TESK2: variants seen among roughly 807,000 people sequenced by gnomAD.
The protein encoded by TESK2 is testis associated actin remodelling kinase 2.
A neutral mutation model predicts 57.1 loss-of-function variants in TESK2; 39 were observed. The observed-to-expected ratio is 0.68, with a 90% confidence interval of 0.53 to 0.89. The LOEUF is 0.89. Ranked by LOEUF, TESK2 falls within the 40% of genes least tolerant of loss-of-function variation. The pLI, the probability that TESK2 is intolerant of heterozygous loss-of-function variation, is 0.00. For missense variants in TESK2, 646 were observed against 732.1 expected, an observed-to-expected ratio of 0.88 and a Z score of 1.36; for synonymous variants, 249 against 267.9, an observed-to-expected ratio of 0.93 and a Z score of 0.69.
intron 3 of TESK2, among the ~76,000 whole-genome samples, chr1:45,415,965 C>T (rs1650222213): frequency 6.6e-6 from 1 of 151,030 alleles, no homozygotes; most frequent in Non-Finnish European, 1.5e-5. Context: ...TTTGTTTTAG[C>T]TCATCAGCTA....
rs907984636 is a variant in TESK2, at chr1:45,458,745, G to A, written c.-86-874C>T. Among the ~76,000 whole-genome samples the A allele has an allele frequency of 1.4e-4, 21 of 151,680 alleles. No homozygotes were observed. In the East Asian group the frequency reaches 4.1e-3, roughly 29 times the overall value. ...TATATATTATATAATTTTTAAAAAA[G>A]AAAACTATATCCAAAAGCAATCTAA... is the stretch of plus-strand genomic sequence containing the variant. On this transcript the variant is annotated intron_variant, in intron 1 of 10. Coordinates refer to ENST00000372086, the MANE Select transcript of TESK2 (RefSeq NM_007170.3).
chr1:45,419,167 G>A (rs1650361317), intron 3 of TESK2, among the ~76,000 whole-genome samples: 1 of 151,898 alleles, frequency 6.6e-6, no homozygotes, highest in African/African-American at 2.4e-5. Flanking sequence ...TAGTAGAGAC[G>A]GGGTTTCACC....
chr1:45,393,651 G>A (rs1191000928), intron 3 of TESK2, among the ~76,000 whole-genome samples: 3 of 150,994 alleles, frequency 2.0e-5, no homozygotes, highest in Non-Finnish European at 2.9e-5. Flanking sequence ...TGAGGCAGGA[G>A]AATAGCTTGA....
chr1:45,443,411 CA>C (rs897385670), intron 2 of TESK2, among the ~76,000 whole-genome samples: 5 of 125,328 alleles, frequency 4.0e-5, no homozygotes, highest in South Asian at 2.5e-4. Context: ...CTAAAAAATA[CA>C]AAAAAAAAAT....
intron 3 of TESK2, among the ~76,000 whole-genome samples, chr1:45,417,669 G>A (rs1307070767): frequency 6.6e-6 from 1 of 151,598 alleles, no homozygotes; most frequent in Non-Finnish European, 1.5e-5. Flanking sequence ...TCGGCTCACT[G>A]CAAGCTCTGC....
intron 2 of TESK2, among the ~76,000 whole-genome samples, chr1:45,443,765 G>T (rs1651542277): frequency 6.6e-6 from 1 of 151,954 alleles, no homozygotes; most frequent in Admixed American, 6.6e-5. Context: ...GACCTTTAAA[G>T]CTCGATAATC....
At chr1:45,360,273 C>T (rs1053455376) in intron 4 of TESK2, among the ~76,000 whole-genome samples, 4 of 152,152 alleles carry the variant, frequency 2.6e-5, no homozygotes, top group African/African-American at 9.7e-5. Flanking sequence ...AAGCTGACAT[C>T]TAATCATGCA....
At chr1:45,453,341 CAAAAAAAA>C (rs560016914) in intron 2 of TESK2, among the ~76,000 whole-genome samples, 13 of 53,136 alleles carry the variant, frequency 2.4e-4, no homozygotes, top group Non-Finnish European at 4.7e-4. Flanking sequence ...GACCCTGTCT[CAAAAAAAA>C]AAAAAAAAAA....
intron 4 of TESK2, among the ~76,000 whole-genome samples, chr1:45,359,947 TA>T (rs1247002815): frequency 2.0e-5 from 3 of 152,102 alleles, no homozygotes; most frequent in Non-Finnish European, 4.4e-5. Context: ...GGTAATAATA[TA>T]AGCACCAAAA....
intron 1 of TESK2, among the ~76,000 whole-genome samples, chr1:45,490,138 T>C (rs529657829): frequency 2.0e-5 from 3 of 152,346 alleles, no homozygotes; most frequent in East Asian, 1.9e-4. Context: ...CCAAAGATAA[T>C]GCAATCATAC....
intron 1 of TESK2, among the ~76,000 whole-genome samples, chr1:45,486,171 T>C (rs1029676582): frequency 6.6e-6 from 1 of 152,156 alleles, no homozygotes; most frequent in African/African-American, 2.4e-5. Flanking sequence ...TTGTAAATAG[T>C]ATAATAGCCA....
intron 2 of TESK2, among the ~76,000 whole-genome samples, chr1:45,433,385 T>C (rs1203914014): frequency 6.6e-6 from 1 of 151,816 alleles, no homozygotes; most frequent in African/African-American, 2.4e-5. Context: ...AGCCTATAAC[T>C]TACACTTTCT....
chr1:45,355,572 T>G lies in TESK2; in HGVS notation c.394-123A>C, dbSNP rs1647386076. 3 of 1,070,900 alleles carry G rather than the reference T, an allele frequency of 2.8e-6. No individual in the cohort carries two copies. The South Asian group carries it at 5.2e-5, about 19-fold the overall frequency. The allele number at this position is 1,070,900 out of a possible 1,614,324, so 66.3% of individuals were successfully genotyped here. ...ATTTTTTTTTTAAGTTACTGAGGGC[T>G]TATTCTGCCTCCAAGCACTATGGTA... On this transcript the variant is annotated intron_variant, in intron 4 of 10. Coordinates refer to ENST00000372086, the MANE Select transcript of TESK2 (RefSeq NM_007170.3).
intron 2 of TESK2, among the ~76,000 whole-genome samples, chr1:45,432,923 C>G (rs894502637): frequency 6.6e-6 from 1 of 150,842 alleles, no homozygotes; most frequent in Non-Finnish European, 1.5e-5. Context: ...GCCGCCACAC[C>G]CAGCTAATTT....
intron 5 of TESK2, among the ~76,000 whole-genome samples, chr1:45,354,844 A>G (rs991021939): frequency 1.3e-4 from 15 of 115,182 alleles, no homozygotes; most frequent in African/African-American, 5.0e-4. Flanking sequence ...ATATATATAT[A>G]TATATGTTGG....
At chr1:45,435,267 C>A (rs1462385820) in intron 2 of TESK2, among the ~76,000 whole-genome samples, 1 of 152,070 alleles carries the variant, frequency 6.6e-6, no homozygotes, top group Non-Finnish European at 1.5e-5. Flanking sequence ...GTTGGGACTA[C>A]AGGCACACGC....
At chr1:45,484,540 A>G (rs1289053103) in intron 1 of TESK2, among the ~76,000 whole-genome samples, 1 of 142,794 alleles carries the variant, frequency 7.0e-6, no homozygotes, top group South Asian at 2.4e-4. Flanking sequence ...GTTCAAGTCT[A>G]GCCTGGCCAA....
chr1:45,399,995 T>C (rs1649533582), intron 3 of TESK2, among the ~76,000 whole-genome samples: 1 of 152,212 alleles, frequency 6.6e-6, no homozygotes, highest in Admixed American at 6.5e-5. Flanking sequence ...GGCAGACTAA[T>C]GGCCCCCCAG....
At chr1:45,487,594 T>C (rs1359852405) in intron 1 of TESK2, among the ~76,000 whole-genome samples, 1 of 152,226 alleles carries the variant, frequency 6.6e-6, no homozygotes. Flanking sequence ...ATATATTTCT[T>C]ACAAAATCTG....
Sources: allele counts gnomAD v4.1 joint callset (sites outside exome capture counted in the v4.1 genomes callset), GRCh38; gene constraint gnomAD v4.1.1; transcripts MANE v1.5; gene names NCBI Gene and HGNC (gene_info 2026-07-23, HGNC 2026-07-21).